Variants in ACSBG1 observed in about 807,000 individuals in gnomAD.
The protein encoded by ACSBG1 is acyl-CoA synthetase bubblegum family member 1.
ACSBG1 carries 39 observed loss-of-function variants against 80.2 expected under a neutral mutation model. That is an observed-to-expected ratio of 0.49 (90% CI 0.38 to 0.64). The LOEUF (loss-of-function observed/expected upper bound fraction) is 0.64, where lower values mean the gene tolerates loss of function less well. ACSBG1 is among the 30% of genes least tolerant of loss of function. The pLI is 0.00. For missense variants in ACSBG1, 828 were observed against 966.4 expected, an observed-to-expected ratio of 0.86 and a Z score of 1.90; for synonymous variants, 392 against 379.5, an observed-to-expected ratio of 1.03 and a Z score of -0.38.
Position 78,173,576 on chromosome 15 carries a change from G to A in ACSBG1, c.2089+17C>T. 1 of 1,612,844 alleles carries A rather than the reference G, an allele frequency of 6.2e-7. No homozygotes were observed. Among genetic ancestry groups the A allele is most frequent in the Non-Finnish European group, 8.5e-7 (1 of 1,179,284 alleles). On this transcript the variant is annotated intron_variant, in intron 13 of 13. Coordinates refer to ENST00000258873, the MANE Select transcript of ACSBG1 (RefSeq NM_015162.5). ...CTTCCCACACAGCCCTTGCAATGGT[G>A]AAAAGGAAAAACCTACCCAACTCTC...
At chr15:78,187,246 C>G (rs1471265686) in intron 5 of ACSBG1, among the ~76,000 whole-genome samples, 1 of 152,194 alleles carries the variant, frequency 6.6e-6, no homozygotes, top group South Asian at 2.1e-4. Flanking sequence ...ATCAGAGGTA[C>G]AAGGAGGAGC....
At chr15:78,227,375 A>C (rs1343365778) in intron 1 of ACSBG1, among the ~76,000 whole-genome samples, 1 of 152,174 alleles carries the variant, frequency 6.6e-6, no homozygotes, top group Non-Finnish European at 1.5e-5. Context: ...TTAAGAACCC[A>C]ATTACAAAAT....
intron 1 of ACSBG1, among the ~76,000 whole-genome samples, chr15:78,220,095 C>T (rs2075348948): frequency 6.6e-6 from 1 of 152,108 alleles, no homozygotes; most frequent in South Asian, 2.1e-4. Flanking sequence ...ACATTGAAAA[C>T]CTACAGTAAT....
chr15:78,219,241 C>A (rs2075339534), intron 1 of ACSBG1, among the ~76,000 whole-genome samples: 1 of 152,120 alleles, frequency 6.6e-6, no homozygotes, highest in African/African-American at 2.4e-5. Flanking sequence ...TTGCTTAGCA[C>A]AGTGGCTAAG....
intron 2 of ACSBG1, among the ~76,000 whole-genome samples, chr15:78,205,679 G>A (rs2075207209): frequency 6.6e-6 from 1 of 152,206 alleles, no homozygotes; most frequent in Non-Finnish European, 1.5e-5. Flanking sequence ...AAGTCCCTTA[G>A]CACAGGGCTT....
intron 5 of ACSBG1, among the ~76,000 whole-genome samples, chr15:78,185,320 G>C (rs796133711): frequency 7.2e-5 from 11 of 152,310 alleles, no homozygotes; most frequent in African/African-American, 2.4e-4. Context: ...AACAGCAGCT[G>C]ATGTAGGAAT....
chr15:78,181,914 G>A lies in ACSBG1; in HGVS notation c.1071+55C>T, dbSNP rs1168159982. 7.0e-6 allele frequency: 11 copies of A among 1,580,962 alleles called. 1 individual carries two copies. The Admixed American group carries it at 1.9e-4, about 27-fold the overall frequency. On this transcript the variant is annotated intron_variant, in intron 8 of 13. Coordinates refer to ENST00000258873, the MANE Select transcript of ACSBG1 (RefSeq NM_015162.5). ...ATGCACTCAGGGCCCACAGACACATGTGGACGTGGCCTGGCACACGGGCTC... is the reference window on the plus strand; with the variant it reads ...ATGCACTCAGGGCCCACAGACACATATGGACGTGGCCTGGCACACGGGCTC...
At chr15:78,230,057 A>T (rs533698081) in intron 1 of ACSBG1, among the ~76,000 whole-genome samples, 1 of 152,122 alleles carries the variant, frequency 6.6e-6, no homozygotes, top group East Asian at 1.9e-4. Flanking sequence ...TTCCTCCACA[A>T]TGGGCTTCCT....
chr15:78,173,664 G>A lies in ACSBG1; in HGVS notation c.2018C>T (p.Ala673Val), dbSNP rs11072735. Reference protein sequence around the residue: ...EGIRRVNMNAAARPYHIQKWA... With the variant: ...EGIRRVNMNAVARPYHIQKWA... ...CTTCTGGATGTGGTAGGGCCGGGCC[G>A]CCGCGTTCATGTTGACCCTCCGGAT... The change falls in exon 13 of 14, where the codon GCG (alanine) becomes GTG (valine). Residue 673 changes from alanine (A) to valine (V), a missense_variant. Ala to Val is a moderately conservative substitution (Grantham distance 64). This residue lies in a region of ACSBG1 where 201 missense variants were observed against 227.0 expected (regional missense o/e 0.89). Coordinates refer to ENST00000258873, the MANE Select transcript of ACSBG1 (RefSeq NM_015162.5). The A allele has an allele frequency of 0.022, 35,614 of 1,614,148 alleles. 886 individuals are homozygous for A. Among genetic ancestry groups the A allele is most frequent in the African/African-American group, 0.11 (8,501 of 75,008 alleles).
intron 11 of ACSBG1, among the ~76,000 whole-genome samples, chr15:78,176,744 G>A (rs1240377236): frequency 6.6e-6 from 1 of 152,036 alleles, no homozygotes; most frequent in African/African-American, 2.4e-5. Context: ...GGGCAACATG[G>A]CAAAACCCTG....
At chr15:78,184,436 G>T (rs1567082720) in intron 5 of ACSBG1, among the ~76,000 whole-genome samples, 1 of 151,994 alleles carries the variant, frequency 6.6e-6, no homozygotes, top group African/African-American at 2.4e-5. Flanking sequence ...TTCTGCCTTG[G>T]CCTCCCAAAG....
chr15:78,220,611 C>G (rs79374395), intron 1 of ACSBG1, among the ~76,000 whole-genome samples: 2,327 of 152,216 alleles, frequency 0.015, 29 homozygotes, highest in Non-Finnish European at 0.025. Context: ...GGAACTCTTA[C>G]AACTCAATAA....
chr15:78,234,554 C>A lies in ACSBG1; in HGVS notation c.-53G>T. 1 of 1,587,490 alleles carries A rather than the reference C, an allele frequency of 6.3e-7. No individual in the cohort carries two copies. Among genetic ancestry groups the A allele is most frequent in the Non-Finnish European group, 8.5e-7 (1 of 1,170,464 alleles). ...TCAGTCACCCACTGAGAGAGGCTAGCCTTGAGTGAGCAGTGGGGGTGGGCA... is the reference window on the plus strand; with the variant it reads ...TCAGTCACCCACTGAGAGAGGCTAGACTTGAGTGAGCAGTGGGGGTGGGCA... On this transcript the variant is annotated 5_prime_UTR_variant, in exon 1 of 14. Transcript: ENST00000258873.
At chr15:78,201,379 G>A (rs1175239969) in intron 2 of ACSBG1, among the ~76,000 whole-genome samples, 1 of 152,194 alleles carries the variant, frequency 6.6e-6, no homozygotes, top group African/African-American at 2.4e-5. Context: ...GGCCAATGAG[G>A]ACACAGGACA....
intron 2 of ACSBG1, among the ~76,000 whole-genome samples, chr15:78,197,646 G>A (rs762430078): frequency 3.1e-4 from 47 of 151,474 alleles, no homozygotes; most frequent in Non-Finnish European, 5.7e-4. Context: ...TTGAACCCGG[G>A]AGGTGGAGGT....
chr15:78,191,718 G>C (rs1373091363), intron 5 of ACSBG1, among the ~76,000 whole-genome samples: 1 of 152,244 alleles, frequency 6.6e-6, no homozygotes, highest in Non-Finnish European at 1.5e-5. Context: ...AGTGGAAGAA[G>C]AGAAGGTGGT....
At chr15:78,181,489 CTTTTTTTT>C (rs71145901) in intron 8 of ACSBG1, among the ~76,000 whole-genome samples, 8 of 83,044 alleles carry the variant, frequency 9.6e-5, no homozygotes, top group African/African-American at 1.9e-4. Flanking sequence ...CATCAGGTTT[CTTTTTTTT>C]TTTTTTTTTT....
chr15:78,170,116 C>T lies in ACSBG1; in HGVS notation c.*1328G>A, dbSNP rs964776908. 1 of 152,224 alleles carries T rather than the reference C, an allele frequency of 6.6e-6. No individual in the cohort carries two copies. Among genetic ancestry groups the T allele is most frequent in the Non-Finnish European group, 1.5e-5 (1 of 68,054 alleles). The allele number at this position is 152,224 out of a possible 1,614,324, so 9.4% of individuals were successfully genotyped here. On this transcript the variant is annotated 3_prime_UTR_variant, in exon 14 of 14. Coordinates refer to ENST00000258873, the MANE Select transcript of ACSBG1 (RefSeq NM_015162.5). Reference sequence around the variant, plus strand: ...TTCACAAAATTATGCCATGCTGGGGCTTGAGCTTGAGCTTGGGCTTAGGCT... The same window carrying T: ...TTCACAAAATTATGCCATGCTGGGGTTTGAGCTTGAGCTTGGGCTTAGGCT...
chr15:78,171,502 G>C lies in ACSBG1; in HGVS notation c.2117C>G (p.Thr706Arg), dbSNP rs1037669159. The C allele has an allele frequency of 6.2e-7, 1 of 1,614,174 alleles. No homozygotes were observed. Among genetic ancestry groups the C allele is most frequent in the Non-Finnish European group, 8.5e-7 (1 of 1,180,012 alleles). Residue 706 changes from threonine (T) to arginine (R), a missense_variant, in exon 14 of 14, where the codon ACA (threonine) becomes AGA (arginine). Thr to Arg is a moderately conservative substitution (Grantham distance 71). Around this residue, in one of 3 missense-constraint regions of ACSBG1, gnomAD observed 201 missense variants for 227.0 expected, o/e 0.89. Transcript: ENST00000258873. ...LGPTMKLKRL[T>R]VLEKYKGIID... ...GATACCTTTGTACTTCTCCAAAACT[G>C]TGAGCCGTTTCAGTTTCATCGTGGG...
Sources: allele counts gnomAD v4.1 joint callset (sites outside exome capture counted in the v4.1 genomes callset), GRCh38; gene constraint gnomAD v4.1.1; regional missense constraint gnomAD v4.1.1; transcripts MANE v1.5; gene names NCBI Gene and HGNC (gene_info 2026-07-23, HGNC 2026-07-21).